ARSG: variants seen among roughly 807,000 people sequenced by gnomAD.
ARSG encodes the protein ASG.
A neutral mutation model predicts 50.5 loss-of-function variants in ARSG; 37 were observed. The observed-to-expected ratio is 0.73, with a 90% CI of 0.56 to 0.96. The LOEUF is 0.96. Ranked by LOEUF, ARSG falls within the 50% of genes least tolerant of loss-of-function variation. ARSG has a pLI of 0.00. For missense variants in ARSG, 629 were observed against 675.3 expected (o/e 0.93, Z 0.76); for synonymous variants, 225 against 254.6 (o/e 0.88, Z 1.11).
chr17:68,421,533 T>C (rs2082772949), downstream of ARSG: 13 of 549,356 alleles, frequency 2.4e-5, no homozygotes, highest in South Asian at 2.3e-4. Flanking sequence ...ATTTACACTA[T>C]AGTTTGAACG....
chr17:68,329,673 A>G (rs1158072353), intron 2 of ARSG, among the ~76,000 whole-genome samples: 3 of 152,208 alleles, frequency 2.0e-5, no homozygotes, highest in Non-Finnish European at 4.4e-5. Flanking sequence ...TTTGACTGCA[A>G]TAAGAACCCA....
chr17:68,413,991 C>A (rs916761438), intron 11 of ARSG: 7 of 155,088 alleles, frequency 4.5e-5, no homozygotes, highest in Non-Finnish European at 9.9e-5. Flanking sequence ...GGTGCGCGCA[C>A]CCACTGACCT....
the ARSG span, among the ~76,000 whole-genome samples, chr17:68,449,418 A>C: frequency 1.3e-5 from 2 of 152,174 alleles, no homozygotes; most frequent in Admixed American, 1.3e-4. Context: ...TGAGCCCAGG[A>C]GTTTGAGACC....
the ARSG span, chr17:68,450,648 T>C: frequency 6.7e-7 from 1 of 1,503,412 alleles, no homozygotes. Flanking sequence ...TTTACAGACA[T>C]TGATCTTGAA....
At chr17:68,351,843 C>T (rs1489285081) in intron 5 of ARSG, among the ~76,000 whole-genome samples, 157 bp downstream of exon 5, 7 of 152,120 alleles carry the variant, frequency 4.6e-5, no homozygotes, top group African/African-American at 1.7e-4. Flanking sequence ...GTGTTATTTG[C>T]AGGGAGTGCA....
chr17:68,313,383 C>G (rs545647881), intron 2 of ARSG, among the ~76,000 whole-genome samples: 1 of 152,292 alleles, frequency 6.6e-6, no homozygotes, highest in South Asian at 2.1e-4. Flanking sequence ...TTGCCTCTCT[C>G]CTGGATTCTG....
intron 1 of ARSG, chr17:68,278,458 T>C: frequency 1.6e-6 from 1 of 619,860 alleles, no homozygotes; most frequent in Non-Finnish European, 2.8e-6. Flanking sequence ...TATTTATTTA[T>C]TTATTTATTG....
intron 2 of ARSG, among the ~76,000 whole-genome samples, chr17:68,335,633 G>A (rs1262116661): frequency 6.6e-6 from 1 of 152,152 alleles, no homozygotes; most frequent in African/African-American, 2.4e-5. Context: ...TGCGGGTATT[G>A]GGGCGTGGCA....
At chr17:68,426,243 G>A, downstream of ARSG, 2 of 935,362 alleles carry the variant, frequency 2.1e-6, no homozygotes, top group Non-Finnish European at 3.2e-6. Flanking sequence ...CCTGGCGGGT[G>A]GGGAGCGGGG....
At chr17:68,290,184 C>A (rs1329142818), upstream of ARSG, among the ~76,000 whole-genome samples, 1 of 152,164 alleles carries the variant, frequency 6.6e-6, no homozygotes, top group African/African-American at 2.4e-5. Context: ...CAAACAAAAC[C>A]GGCTTCCAGG....
At chr17:68,402,624 A>C (rs2081523891) in intron 11 of ARSG, among the ~76,000 whole-genome samples, 1 of 151,946 alleles carries the variant, frequency 6.6e-6, no homozygotes, top group Non-Finnish European at 1.5e-5. Flanking sequence ...TCCCTGGTTC[A>C]CGCCATTCTC....
intron 10 of ARSG, among the ~76,000 whole-genome samples, chr17:68,397,824 C>T (rs935673109): frequency 2.0e-5 from 3 of 151,924 alleles, no homozygotes; most frequent in East Asian, 3.9e-4. Context: ...TGGAGTGCAG[C>T]GGCACAATCT....
At chr17:68,268,854 A>T in intron 1 of ARSG, 1 of 585,240 alleles carries the variant, frequency 1.7e-6, no homozygotes, top group Non-Finnish European at 2.9e-6. Flanking sequence ...CCAGATTTAT[A>T]TATGGAAGAG....
chr17:68,438,836 G>A, the ARSG span, among the ~76,000 whole-genome samples: 1 of 152,344 alleles, frequency 6.6e-6, no homozygotes, highest in East Asian at 1.9e-4. Context: ...GTGACCTCAG[G>A]TGATCCATCT....
Position 68,294,535 on chromosome 17 carries a change from G to C in ARSG, c.-552+2967G>C, listed in dbSNP as rs376972748. ...GGGTCCCGCAAGCCTGCTTTTGGGG[G>C]CTGACTCTTCAGGGCAGCCATCAAA... On this transcript the variant is annotated intron_variant, in intron 1 of 11. Transcript: ENST00000621439. 8.5e-5 allele frequency among the ~76,000 whole-genome samples: 13 copies of C among 152,240 alleles called. No homozygotes were observed. In the East Asian group the frequency reaches 1.2e-3, roughly 14 times the overall value.
At chr17:68,377,720 C>G (rs2080220552) in intron 8 of ARSG, among the ~76,000 whole-genome samples, 1 of 152,222 alleles carries the variant, frequency 6.6e-6, no homozygotes, top group African/African-American at 2.4e-5. Context: ...AAGATTCCCC[C>G]ACAAAAGGAT....
intron 1 of ARSG, among the ~76,000 whole-genome samples, chr17:68,265,998 C>A (rs1555746291): frequency 6.6e-6 from 1 of 152,066 alleles, no homozygotes; most frequent in Non-Finnish European, 1.5e-5. Flanking sequence ...AGTTTGCCAA[C>A]CCCTGGCATG....
chr17:68,388,931 A>T (rs1245142244), intron 9 of ARSG, among the ~76,000 whole-genome samples: 4 of 150,030 alleles, frequency 2.7e-5, no homozygotes, highest in Non-Finnish European at 4.4e-5. Flanking sequence ...TCAAAAAAAA[A>T]AAAAAAAAAA....
chr17:68,365,464 A>C (rs2079503287), intron 6 of ARSG, among the ~76,000 whole-genome samples: 2 of 152,226 alleles, frequency 1.3e-5, no homozygotes, highest in Non-Finnish European at 2.9e-5. Flanking sequence ...TGAAATAACA[A>C]ATCTGGAGGT....
Sources: gnomAD v4.1 joint callset for allele counts (sites outside exome capture counted in the v4.1 genomes callset) on GRCh38, gnomAD v4.1.1 for gene constraint, MANE v1.5 for transcripts, NCBI Gene and HGNC (gene_info 2026-07-23, HGNC 2026-07-21) for gene names.